The following BAIAP2 variants were observed in gnomAD, a reference collection of about 807,000 sequenced individuals.
BAIAP2 encodes BAR/IMD domain-containing adapter protein 2.
BAIAP2 carries 18 observed loss-of-function variants against 63.0 expected under a neutral mutation model. The observed-to-expected ratio is 0.29, with a 90% CI of 0.20 to 0.42. The LOEUF is 0.42. Ranked by LOEUF, BAIAP2 falls within the 10% of genes least tolerant of loss-of-function variation. BAIAP2 has a pLI of 1.00. For synonymous variants in BAIAP2, 386 were observed against 307.6 expected, an observed-to-expected ratio of 1.25 and a Z score of -2.67; for missense variants, 610 against 734.3, an observed-to-expected ratio of 0.83 and a Z score of 1.96.
At position 81,109,012 on chromosome 17, in the gene BAIAP2, G is replaced by C. The variant is rs572870303; in HGVS notation, c.1535+503G>C. ...TCCACAGTGTGAGGACGCTGACCCC[G>C]GGCAGCCGCTGCTCTGAAGAGCTTC... On this transcript the variant is annotated intron_variant, in intron 13 of 13. Coordinates refer to ENST00000428708, the MANE Select transcript of BAIAP2 (RefSeq NM_001144888.2). 3.2e-4 allele frequency: 488 copies of C among 1,544,920 alleles called. 3 individuals are homozygous for C. In the South Asian group the frequency reaches 5.5e-3, roughly 17 times the overall value.
At chr17:81,076,231 A>C (rs1231296720) in intron 3 of BAIAP2, 1 of 152,198 alleles carries the variant, frequency 6.6e-6, no homozygotes, top group Non-Finnish European at 1.5e-5. Context: ...TCTGCAGCTT[A>C]ACTCATTCTT....
intron 13 of BAIAP2, chr17:81,110,603 C>T (rs1047760966): frequency 5.9e-5 from 73 of 1,236,390 alleles, no homozygotes; most frequent in Admixed American, 2.7e-4. Flanking sequence ...GGTATTTTCT[C>T]GGCACTCAGT....
At chr17:81,086,761 G>C (rs1183958242) in intron 6 of BAIAP2, among the ~76,000 whole-genome samples, 181 bp downstream of exon 6, 1 of 152,234 alleles carries the variant, frequency 6.6e-6, no homozygotes, top group Non-Finnish European at 1.5e-5. Context: ...CGGTGGGATG[G>C]TCGGCTCACC....
chr17:81,065,152 G>A (rs1219944001), intron 3 of BAIAP2, among the ~76,000 whole-genome samples: 1 of 152,156 alleles, frequency 6.6e-6, no homozygotes, highest in Non-Finnish European at 1.5e-5. Context: ...CTGGCAGCTC[G>A]GGGAGACTGG....
chr17:81,057,983 C>CCG lies in BAIAP2; in HGVS notation c.217+17_217+18insGC. ...AAAGAACTCGGTGAGACCCCCCCCC[C>CCG]CCCCCCGCCTGGTAGTCGCCTGATG... is the stretch of plus-strand genomic sequence containing the variant. On this transcript the variant is annotated intron_variant, in intron 3 of 13. Coordinates refer to ENST00000428708, the MANE Select transcript of BAIAP2 (RefSeq NM_001144888.2). 1 of 1,212,408 alleles carries CCG rather than the reference C, an allele frequency of 8.2e-7. No homozygotes were observed. The highest frequency in any genetic ancestry group is 2.0e-5 in the African/African-American group (1 of 50,532). The allele number at this position is 1,212,408 out of a possible 1,614,324, so 75.1% of individuals were successfully genotyped here.
At chr17:81,065,266 C>A (rs906068245) in intron 3 of BAIAP2, among the ~76,000 whole-genome samples, 12 of 152,200 alleles carry the variant, frequency 7.9e-5, no homozygotes, top group African/African-American at 2.9e-4. Flanking sequence ...CGAGGGAGGG[C>A]GGGCCCAGCC....
intron 2 of BAIAP2, among the ~76,000 whole-genome samples, chr17:81,056,106 T>C (rs929240215): frequency 5.9e-5 from 9 of 152,162 alleles, no homozygotes; most frequent in African/African-American, 2.2e-4. Context: ...GCCTGAAATG[T>C]TGACGCTGGA....
chr17:81,075,083 C>T (rs2053436282), intron 3 of BAIAP2, among the ~76,000 whole-genome samples: 1 of 152,248 alleles, frequency 6.6e-6, no homozygotes, highest in Non-Finnish European at 1.5e-5. Context: ...CGTGGGAACC[C>T]CTGGGTGTGG....
At chr17:81,053,267 G>A (rs1052954484) in intron 1 of BAIAP2, 3 of 191,208 alleles carry the variant, frequency 1.6e-5, no homozygotes, top group Admixed American at 5.6e-5. Context: ...TGCCGGCGTC[G>A]TTGAGCGATT....
At chr17:81,098,563 T>G (rs1300011242) in intron 6 of BAIAP2, among the ~76,000 whole-genome samples, 2 of 152,208 alleles carry the variant, frequency 1.3e-5, no homozygotes, top group Admixed American at 6.5e-5. Context: ...GAACTTTCCA[T>G]CTTCCCAAAC....
At chr17:81,043,569 T>C (rs920436935) in intron 1 of BAIAP2, among the ~76,000 whole-genome samples, 4 of 152,164 alleles carry the variant, frequency 2.6e-5, no homozygotes, top group African/African-American at 9.7e-5. Flanking sequence ...GCCCACAGCG[T>C]CCTGGCACCC....
chr17:81,079,909 T>A (rs930354323), intron 3 of BAIAP2, among the ~76,000 whole-genome samples: 4 of 151,962 alleles, frequency 2.6e-5, no homozygotes, highest in African/African-American at 9.7e-5. Context: ...TGGGCCTGGG[T>A]AAGTCTGCCC....
In BAIAP2 at chr17:81,105,090, AGCG is replaced by A. The variant is rs1200861249; in HGVS notation, c.1268+378_1268+380del. The A allele has an allele frequency of 7.3e-3, 1,211 of 166,468 alleles. 134 individuals are homozygous for A. The East Asian group carries it at 0.18, about 25-fold the overall frequency. 10.3% of individuals were successfully genotyped at this position (166,468 alleles called of 1,614,324 possible). A position where few individuals can be genotyped will look rare whatever the true frequency, so the allele number is the denominator to read the frequency against. ...CCCCCAATGGCTCGGGTCTCCCCCC[AGCG>A]GCAGGGGTCTCCCCCCAGTGGCAGG... is the stretch of plus-strand genomic sequence containing the variant. On this transcript the variant is annotated intron_variant, in intron 10 of 13. Transcript: ENST00000428708.
intron 13 of BAIAP2, among the ~76,000 whole-genome samples, chr17:81,111,584 C>T (rs1320518318): frequency 6.6e-6 from 1 of 151,914 alleles, no homozygotes; most frequent in Non-Finnish European, 1.5e-5. Context: ...CTGCTGGGTC[C>T]AGGTTTGAGC....
intron 1 of BAIAP2, 141 bp from the exon 2 acceptor site, chr17:81,053,527 T>C: frequency 1.2e-6 from 1 of 840,724 alleles, no homozygotes; most frequent in African/African-American, 1.7e-5. Context: ...GATTTGAACT[T>C]GGGAAGCCCA....
intron 1 of BAIAP2, among the ~76,000 whole-genome samples, chr17:81,050,357 C>CCTGCCCGCTGTCTGCCCGCTGT (rs544212403): frequency 0.026 from 3,978 of 152,222 alleles, 83 homozygotes; most frequent in South Asian, 0.09. Context: ...GTGGCTGTTC[C>CCTGCCCGCTGTCTGCCCGCTGT]CTGCCCGCTG....
chr17:81,088,842 C>G (rs933077691), intron 6 of BAIAP2, among the ~76,000 whole-genome samples: 1 of 152,236 alleles, frequency 6.6e-6, no homozygotes, highest in African/African-American at 2.4e-5. Flanking sequence ...AGCTGGAGAT[C>G]GCGGCGGGGT....
chr17:81,074,278 G>A (rs2053229364), intron 3 of BAIAP2, among the ~76,000 whole-genome samples: 1 of 152,374 alleles, frequency 6.6e-6, no homozygotes, highest in South Asian at 2.1e-4. Flanking sequence ...GTGCCTGTGT[G>A]TCTGTGTGCA....
chr17:81,049,421 T>G (rs1026095437), intron 1 of BAIAP2, among the ~76,000 whole-genome samples: 1 of 152,198 alleles, frequency 6.6e-6, no homozygotes, highest in Non-Finnish European at 1.5e-5. Context: ...GGCTTGAGGT[T>G]ATTTTCTTGT....
Sources: allele counts gnomAD v4.1 joint callset (sites outside exome capture counted in the v4.1 genomes callset), GRCh38; gene constraint gnomAD v4.1.1; transcripts MANE v1.5; gene names NCBI Gene and HGNC (gene_info 2026-07-23, HGNC 2026-07-21).